TLCD4: variants seen among roughly 807,000 people sequenced by gnomAD.
The protein encoded by TLCD4 is TLC domain-containing protein 4.
TLCD4 carries 7 observed loss-of-function variants against 24.2 expected under a neutral mutation model. That is an observed-to-expected ratio of 0.29 (90% CI 0.16 to 0.54). The LOEUF is 0.54. TLCD4 is among the 20% of genes least tolerant of loss of function. TLCD4 has a pLI of 0.95. For synonymous variants in TLCD4, 103 were observed against 106.4 expected (o/e 0.97, Z 0.20); for missense variants, 259 against 313.9 (o/e 0.82, Z 1.32).
upstream of TLCD4, among the ~76,000 whole-genome samples, chr1:95,113,155 G>A (rs191695047): frequency 2.4e-3 from 358 of 150,928 alleles, 1 homozygote; most frequent in African/African-American, 8.4e-3. Flanking sequence ...CGATTCTCCT[G>A]TCTCAGCCTC....
the TLCD4 span, among the ~76,000 whole-genome samples, chr1:95,099,944 C>T: frequency 3.3e-5 from 5 of 151,312 alleles, no homozygotes; most frequent in Middle Eastern, 3.5e-3. Flanking sequence ...CCAGCCTGGG[C>T]GACTTGGTGA....
intron 1 of TLCD4, among the ~76,000 whole-genome samples, chr1:95,126,193 G>A (rs1295472239): frequency 2.0e-5 from 3 of 151,688 alleles, no homozygotes; most frequent in South Asian, 4.2e-4. Context: ...TTGGGAGGCT[G>A]AGGTGAGTGG....
chr1:95,115,267 T>C (rs1223551158), upstream of TLCD4, among the ~76,000 whole-genome samples: 1 of 151,826 alleles, frequency 6.6e-6, no homozygotes, highest in Non-Finnish European at 1.5e-5. Flanking sequence ...CCACCATGCC[T>C]GGCTAATTTT....
At chr1:95,105,889 C>T in the TLCD4 span, among the ~76,000 whole-genome samples, 1 of 41,214 alleles carries the variant, frequency 2.4e-5, no homozygotes, top group Non-Finnish European at 8.0e-5. Flanking sequence ...AGCGAGACTC[C>T]GTCTTAAAAA....
intron 6 of TLCD4, among the ~76,000 whole-genome samples, chr1:95,183,624 G>A (rs1678723681): frequency 6.6e-6 from 1 of 152,098 alleles, no homozygotes; most frequent in Non-Finnish European, 1.5e-5. Flanking sequence ...AGATCACAAG[G>A]TCAGGAGGAG....
chr1:95,114,020 T>G, upstream of TLCD4, among the ~76,000 whole-genome samples: 1 of 152,184 alleles, frequency 6.6e-6, no homozygotes, highest in East Asian at 1.9e-4. Context: ...TAGTTTCATC[T>G]GAAAACAAAT....
chr1:95,151,152 T>C (rs912507135), intron 4 of TLCD4, among the ~76,000 whole-genome samples, 173 bp from the exon 5 acceptor site: 2 of 152,126 alleles, frequency 1.3e-5, no homozygotes, highest in Non-Finnish European at 1.5e-5. Context: ...GACAGGCATA[T>C]AGGAGCAGAG....
At position 95,119,673 on chromosome 1, in the gene TLCD4, A is replaced by G. The variant is rs1195967912; in HGVS notation, c.-12+2056A>G. Among the ~76,000 whole-genome samples, 3 of 152,172 alleles carry G rather than the reference A, an allele frequency of 2.0e-5. No homozygotes were observed. The East Asian group carries it at 5.8e-4, about 29-fold the overall frequency. On this transcript the variant is annotated intron_variant, in intron 1 of 6. Transcript: ENST00000370203. ...AAGCACAGCTGTCTTAACAGTTTTC[A>G]GACCTGTTTACTCTCCTCTTTGGTG...
intron 1 of TLCD4, among the ~76,000 whole-genome samples, chr1:95,123,370 T>C (rs1676622815): frequency 6.6e-6 from 1 of 152,072 alleles, no homozygotes; most frequent in African/African-American, 2.4e-5. Flanking sequence ...GATGAAAGGG[T>C]GAGGCCAAGA....
upstream of TLCD4, among the ~76,000 whole-genome samples, chr1:95,112,381 G>A (rs1176721327): frequency 1.3e-5 from 2 of 152,104 alleles, no homozygotes; most frequent in Admixed American, 1.3e-4. Context: ...AAATGGAAGG[G>A]AGGAAAACAG....
intron 1 of TLCD4, among the ~76,000 whole-genome samples, chr1:95,124,889 T>A (rs2100905696): frequency 6.6e-6 from 1 of 152,222 alleles, no homozygotes; most frequent in South Asian, 2.1e-4. Flanking sequence ...CACCCTGTAC[T>A]TGGTCCACAC....
chr1:95,178,796 T>C (rs1678533782), intron 6 of TLCD4, among the ~76,000 whole-genome samples: 1 of 152,188 alleles, frequency 6.6e-6, no homozygotes, highest in Non-Finnish European at 1.5e-5. Flanking sequence ...TATTTAATAT[T>C]ACCTATTTCT....
At chr1:95,120,893 C>G (rs1676550040) in intron 1 of TLCD4, among the ~76,000 whole-genome samples, 1 of 152,212 alleles carries the variant, frequency 6.6e-6, no homozygotes, top group African/African-American at 2.4e-5. Context: ...TTGGAAACCA[C>G]TTTTCCAATG....
chr1:95,193,900 TA>T lies in TLCD4; in HGVS notation c.*2039del, dbSNP rs567843199. 3.5e-4 allele frequency: 54 copies of T among 152,142 alleles called. No individual in the cohort carries two copies. The South Asian group carries it at 9.7e-3, about 27-fold the overall frequency. The allele number at this position is 152,142 out of a possible 1,614,324, so 9.4% of individuals were successfully genotyped here. ...TACCTTTTTGCAGGAAAAGTGGCTT[TA>T]AAAAAATTTATATAATAAAACTATT... On this transcript the variant is annotated 3_prime_UTR_variant, in exon 7 of 7. Coordinates refer to ENST00000370203, the MANE Select transcript of TLCD4 (RefSeq NM_152487.3).
At chr1:95,108,987 T>A in the TLCD4 span, among the ~76,000 whole-genome samples, 1 of 152,214 alleles carries the variant, frequency 6.6e-6, no homozygotes, top group Non-Finnish European at 1.5e-5. Context: ...CATTTTGTCC[T>A]ATTCCAGAAA....
chr1:95,151,248 A>G, intron 4 of TLCD4, 77 bp from the exon 5 acceptor site: 1 of 1,450,398 alleles, frequency 6.9e-7, no homozygotes, highest in South Asian at 1.2e-5. Context: ...AGTTGGCAGG[A>G]GAAAGAGTTC....
intron 1 of TLCD4, among the ~76,000 whole-genome samples, chr1:95,130,209 G>T (rs1306454394): frequency 1.3e-4 from 7 of 54,666 alleles, no homozygotes; most frequent in Non-Finnish European, 5.6e-4. Context: ...CTGGAGTTCA[G>T]TGGTGCGATC....
chr1:95,137,535 TG>T (rs1212481334), intron 1 of TLCD4, among the ~76,000 whole-genome samples: 1 of 152,072 alleles, frequency 6.6e-6, no homozygotes, highest in Non-Finnish European at 1.5e-5. Context: ...GAATCACAAA[TG>T]GGGGAAATGA....
At chr1:95,142,080 G>A (rs1677212543) in intron 1 of TLCD4, among the ~76,000 whole-genome samples, 1 of 150,030 alleles carries the variant, frequency 6.7e-6, no homozygotes, top group Admixed American at 6.6e-5. Context: ...TATCAAAGAT[G>A]GAGCCATAGA....
Sources: gnomAD v4.1 joint callset for allele counts (sites outside exome capture counted in the v4.1 genomes callset) on GRCh38, gnomAD v4.1.1 for gene constraint, MANE v1.5 for transcripts, NCBI Gene and HGNC (gene_info 2026-07-23, HGNC 2026-07-21) for gene names.